The following MYRIP variants were observed in gnomAD, a reference collection of about 807,000 sequenced individuals.
MYRIP encodes the protein rab effector MyRIP.
A neutral mutation model predicts 98.0 loss-of-function variants in MYRIP; 49 were observed. The ratio of observed to expected loss-of-function variants is 0.50; its 90% CI spans 0.40 to 0.63. The LOEUF is 0.63. MYRIP is among the 30% of genes least tolerant of loss of function. The probability of loss-of-function intolerance (pLI) is 0.00; values close to 1 mark genes in which losing one functional copy is unlikely to be tolerated. For missense variants in MYRIP, 1,004 were observed against 1,058.2 expected, an observed-to-expected ratio of 0.95 and a Z score of 0.71; for synonymous variants, 404 against 409.5, an observed-to-expected ratio of 0.99 and a Z score of 0.16.
At chr3:40,108,677 A>G (rs1949099910) in intron 3 of MYRIP, among the ~76,000 whole-genome samples, 1 of 152,194 alleles carries the variant, frequency 6.6e-6, no homozygotes. Flanking sequence ...CAGCAAAGCA[A>G]CCCTTTGACT....
intron 10 of MYRIP, among the ~76,000 whole-genome samples, chr3:40,195,217 T>C (rs1951353933): frequency 6.6e-6 from 1 of 152,236 alleles, no homozygotes; most frequent in Non-Finnish European, 1.5e-5. Flanking sequence ...TATTCCTAAC[T>C]TACTAAACAA....
intron 1 of MYRIP, among the ~76,000 whole-genome samples, chr3:39,825,011 G>A (rs1212935552): frequency 6.6e-6 from 1 of 152,142 alleles, no homozygotes; most frequent in African/African-American, 2.4e-5. Flanking sequence ...GAGCCACTGT[G>A]CCCAGCCAGT....
intron 3 of MYRIP, among the ~76,000 whole-genome samples, chr3:40,045,945 G>A (rs1281163831): frequency 6.6e-6 from 1 of 152,182 alleles, no homozygotes; most frequent in African/African-American, 2.4e-5. Context: ...AACTGTCACA[G>A]TGGGAGTACT....
chr3:39,886,591 AAG>A (rs1299258956), intron 1 of MYRIP, among the ~76,000 whole-genome samples: 3 of 151,966 alleles, frequency 2.0e-5, no homozygotes, highest in African/African-American at 7.3e-5. Flanking sequence ...AGAGACAAAA[AAG>A]GCCATTATGT....
intron 2 of MYRIP, among the ~76,000 whole-genome samples, chr3:39,954,161 G>A (rs916564267): frequency 1.3e-5 from 2 of 152,178 alleles, no homozygotes; most frequent in African/African-American, 4.8e-5. Flanking sequence ...GAAGAGAGTA[G>A]TGGTTCTCCC....
intron 3 of MYRIP, among the ~76,000 whole-genome samples, chr3:40,094,999 G>C (rs1003035615): frequency 2.8e-4 from 42 of 152,168 alleles, no homozygotes; most frequent in Admixed American, 1.6e-3. Context: ...AGTCTGATGT[G>C]AGGTCACTTG....
At chr3:39,980,711 C>T (rs1449390067) in intron 2 of MYRIP, among the ~76,000 whole-genome samples, 7 of 152,138 alleles carry the variant, frequency 4.6e-5, no homozygotes, top group South Asian at 2.1e-4. Context: ...TTTTCAGTTA[C>T]CTTTTCTATT....
chr3:39,983,419 A>G (rs964190429), intron 2 of MYRIP, among the ~76,000 whole-genome samples: 13 of 152,244 alleles, frequency 8.5e-5, no homozygotes, highest in African/African-American at 3.1e-4. Flanking sequence ...AATATGAGTT[A>G]CTGGTTAGAA....
At chr3:40,073,251 G>T (rs1249459076) in intron 3 of MYRIP, among the ~76,000 whole-genome samples, 2 of 152,156 alleles carry the variant, frequency 1.3e-5, no homozygotes, top group African/African-American at 4.8e-5. Context: ...TCCACCAAGA[G>T]ACCAATTAGT....
chr3:40,136,836 A>G (rs544163810), intron 3 of MYRIP, among the ~76,000 whole-genome samples: 7 of 152,212 alleles, frequency 4.6e-5, no homozygotes, highest in South Asian at 4.1e-4. Context: ...TGAAACCAAC[A>G]AGAACAAAGA....
intron 3 of MYRIP, among the ~76,000 whole-genome samples, chr3:40,114,052 AAACTT>A (rs1217273062): frequency 6.6e-6 from 1 of 152,190 alleles, no homozygotes; most frequent in Non-Finnish European, 1.5e-5. Context: ...AAAGCCCACA[AAACTT>A]AAAGGAAAAA....
At chr3:40,011,329 TC>T (rs1300855860) in intron 2 of MYRIP, among the ~76,000 whole-genome samples, 1 of 152,172 alleles carries the variant, frequency 6.6e-6, no homozygotes, top group Non-Finnish European at 1.5e-5. Flanking sequence ...CAAGATTCTG[TC>T]ATTAAAGAAG....
chr3:40,061,034 G>A (rs1042980684), intron 3 of MYRIP, among the ~76,000 whole-genome samples: 2 of 152,120 alleles, frequency 1.3e-5, no homozygotes, highest in African/African-American at 4.8e-5. Context: ...ATTATATTAT[G>A]CATTTCTAAA....
At chr3:40,183,735 T>C (rs17076592) in intron 9 of MYRIP, among the ~76,000 whole-genome samples, 10,514 of 152,206 alleles carry the variant, frequency 0.069, 1,173 homozygotes, top group African/African-American at 0.24. Flanking sequence ...TTAACAGTAT[T>C]CTCATCCCAT....
intron 2 of MYRIP, among the ~76,000 whole-genome samples, chr3:39,918,626 T>G (rs1260911880): frequency 6.6e-6 from 1 of 152,138 alleles, no homozygotes. Context: ...AAGGACAGAT[T>G]AATAGGGGAA....
rs376710100 is a variant in MYRIP at position 40,160,045 on chromosome 3, T to C, written c.470-2685T>C. On this transcript the variant is annotated intron_variant, in intron 4 of 16. Transcript: ENST00000302541. ...TTGTTCCGTTGCTGGTGAGGAACTG[T>C]GTTCCTTTGGAGGAGGAGAGGCGCT... 2.0e-3 allele frequency among the ~76,000 whole-genome samples: 312 copies of C among 152,342 alleles called. 1 individual carries two copies. The highest frequency in any genetic ancestry group is 7.2e-3 in the African/African-American group (301 of 41,582).
intron 3 of MYRIP, 48 bp downstream of exon 3, chr3:40,044,319 A>T (rs758614991): frequency 1.3e-6 from 2 of 1,555,158 alleles, no homozygotes; most frequent in Non-Finnish European, 8.8e-7. Context: ...ATTTAGAGAG[A>T]TTCACCTGCC....
At chr3:39,872,800 G>A (rs993126620) in intron 1 of MYRIP, among the ~76,000 whole-genome samples, 11 of 152,076 alleles carry the variant, frequency 7.2e-5, no homozygotes, top group Non-Finnish European at 7.4e-5. Context: ...ATAAATATAC[G>A]TCTGTATGTG....
intron 1 of MYRIP, among the ~76,000 whole-genome samples, chr3:39,879,740 C>A (rs1943111357): frequency 6.6e-6 from 1 of 152,196 alleles, no homozygotes; most frequent in Non-Finnish European, 1.5e-5. Context: ...AGGGCAGCAG[C>A]TGAAATCTCT....
Sources: gnomAD v4.1 joint callset for allele counts (sites outside exome capture counted in the v4.1 genomes callset) on GRCh38, gnomAD v4.1.1 for gene constraint, MANE v1.5 for transcripts, NCBI Gene and HGNC (gene_info 2026-07-23, HGNC 2026-07-21) for gene names.